CTNNBL1: variants seen among roughly 807,000 people sequenced by gnomAD.
CTNNBL1 encodes the protein beta-catenin-like protein 1.
CTNNBL1 carries 31 observed loss-of-function variants against 72.7 expected under a neutral mutation model. The ratio of observed to expected loss-of-function variants is 0.43; its 90% confidence interval spans 0.32 to 0.58. CTNNBL1 has a LOEUF of 0.58. Ranked by LOEUF, CTNNBL1 falls within the 20% of genes least tolerant of loss-of-function variation. CTNNBL1 has a pLI of 0.08. For synonymous variants in CTNNBL1, 240 were observed against 267.3 expected, an observed-to-expected ratio of 0.90 and a Z score of 1.00; for missense variants, 534 against 725.1, an observed-to-expected ratio of 0.74 and a Z score of 3.03.
chr20:37,780,786 G>T (rs1159140939), intron 10 of CTNNBL1, among the ~76,000 whole-genome samples: 3 of 152,094 alleles, frequency 2.0e-5, no homozygotes, highest in African/African-American at 7.2e-5. Context: ...AACTTTAAGC[G>T]AAATGATGTA....
intron 11 of CTNNBL1, among the ~76,000 whole-genome samples, chr20:37,829,522 A>G (rs2072189567): frequency 6.6e-6 from 1 of 152,068 alleles, no homozygotes; most frequent in African/African-American, 2.4e-5. Flanking sequence ...CAACGTTCAT[A>G]TTTATCTCTG....
At chr20:37,836,165 G>A (rs560769880) in intron 11 of CTNNBL1, among the ~76,000 whole-genome samples, 1 of 152,258 alleles carries the variant, frequency 6.6e-6, no homozygotes, top group African/African-American at 2.4e-5. Context: ...ATTCATCTTT[G>A]AGCTTCCTAA....
At chr20:37,844,885 T>A (rs532412809) in intron 13 of CTNNBL1, among the ~76,000 whole-genome samples, 25 of 152,180 alleles carry the variant, frequency 1.6e-4, no homozygotes, top group African/African-American at 5.8e-4. Context: ...GAGGTAAGGG[T>A]TGCAACAAGC....
chr20:37,712,850 T>A (rs2072950371), intron 1 of CTNNBL1, among the ~76,000 whole-genome samples: 2 of 152,246 alleles, frequency 1.3e-5, no homozygotes, highest in Admixed American at 6.5e-5. Flanking sequence ...ACAGATTTCC[T>A]TCCGACCAGA....
intron 7 of CTNNBL1, among the ~76,000 whole-genome samples, chr20:37,772,759 C>T (rs552274199): frequency 6.6e-6 from 1 of 152,304 alleles, no homozygotes; most frequent in South Asian, 2.1e-4. Flanking sequence ...TACGATTTGA[C>T]TGATCATCTC....
intron 13 of CTNNBL1, among the ~76,000 whole-genome samples, chr20:37,844,718 G>A (rs1205941893): frequency 3.9e-5 from 6 of 152,142 alleles, no homozygotes; most frequent in Admixed American, 2.6e-4. Context: ...AGGCCAAGGC[G>A]GGCAGATCAC....
At chr20:37,855,613 G>T (rs902930643) in intron 13 of CTNNBL1, among the ~76,000 whole-genome samples, 1 of 152,022 alleles carries the variant, frequency 6.6e-6, no homozygotes, top group African/African-American at 2.4e-5. Context: ...CCCTTCTCAC[G>T]TAGGCTGATG....
chr20:37,817,809 G>C (rs1428434853), intron 11 of CTNNBL1, among the ~76,000 whole-genome samples: 2 of 152,176 alleles, frequency 1.3e-5, no homozygotes, highest in African/African-American at 4.8e-5. Context: ...ATTGATATCT[G>C]CCTCACAAGT....
chr20:37,703,654 C>G (rs1398741785), intron 1 of CTNNBL1, among the ~76,000 whole-genome samples: 1 of 152,210 alleles, frequency 6.6e-6, no homozygotes, highest in African/African-American at 2.4e-5. Flanking sequence ...TTCTCTGCTT[C>G]CTCCCCTGCC....
chr20:37,719,709 G>T lies in CTNNBL1; in HGVS notation c.31-13170G>T, dbSNP rs183845806. ...TTAAATGTAATAACCTTAGAAAAAT[G>T]TTAGAAGATATTTTATTTTATTTGA... On this transcript the variant is annotated intron_variant, in intron 1 of 15. Coordinates refer to ENST00000361383, the MANE Select transcript of CTNNBL1 (RefSeq NM_030877.5). Among the ~76,000 whole-genome samples the T allele has an allele frequency of 5.5e-4, 84 of 152,244 alleles. 1 individual carries two copies. The highest frequency in any genetic ancestry group is 5.7e-4 in the Non-Finnish European group (39 of 68,018).
intron 2 of CTNNBL1, among the ~76,000 whole-genome samples, chr20:37,734,305 G>T (rs929027568): frequency 6.6e-6 from 1 of 152,216 alleles, no homozygotes; most frequent in East Asian, 1.9e-4. Flanking sequence ...GAAATACGTG[G>T]TGGGAGACAG....
rs1416957639 is a variant in CTNNBL1, at chr20:37,802,945, C to T, written c.1110C>T (p.Cys370=). 1 of 1,614,020 alleles carries T rather than the reference C, an allele frequency of 6.2e-7. No homozygotes were observed. The highest frequency in any genetic ancestry group is 8.5e-7 in the Non-Finnish European group (1 of 1,179,954). The change falls in exon 11 of 16, where the codon TGC becomes TGT. Residue 370 remains cysteine (C), a synonymous_variant. Coordinates refer to ENST00000361383, the MANE Select transcript of CTNNBL1 (RefSeq NM_030877.5). The part of the protein sequence containing the change: ...AMIGPEGTDN[C]HKFVDILGLR... ...TTGGCCCCGAAGGCACAGACAACTG[C>T]CATAAGTTTGTTGACATTCTTGGCT... is the stretch of plus-strand genomic sequence containing the variant.
chr20:37,784,539 A>G (rs886793330), intron 10 of CTNNBL1, among the ~76,000 whole-genome samples: 1 of 152,178 alleles, frequency 6.6e-6, no homozygotes, highest in Non-Finnish European at 1.5e-5. Context: ...AATACTATTT[A>G]ATAACCCATT....
intron 1 of CTNNBL1, among the ~76,000 whole-genome samples, chr20:37,714,463 C>T (rs2072968668): frequency 6.6e-6 from 1 of 152,158 alleles, no homozygotes; most frequent in Admixed American, 6.5e-5. Flanking sequence ...TGATAGTAGC[C>T]CTAGTCATAG....
At chr20:37,848,949 C>T (rs545021832) in intron 13 of CTNNBL1, among the ~76,000 whole-genome samples, 1 of 152,326 alleles carries the variant, frequency 6.6e-6, no homozygotes, top group East Asian at 1.9e-4. Context: ...ACCAGGCTTG[C>T]GGCCCTAGCC....
chr20:37,767,859 G>A, intron 6 of CTNNBL1, 94 bp from the exon 7 acceptor site: 1 of 936,862 alleles, frequency 1.1e-6, no homozygotes, highest in Non-Finnish European at 1.8e-6. Context: ...CAGGGAAGTG[G>A]GGAGAGGAAT....
chr20:37,757,024 T>C (rs1324496343), intron 4 of CTNNBL1: 2 of 152,316 alleles, frequency 1.3e-5, no homozygotes, highest in Non-Finnish European at 2.9e-5. Context: ...TTCACAGCAG[T>C]GTGACATTTG....
At chr20:37,837,419 T>C (rs902972323) in intron 11 of CTNNBL1, among the ~76,000 whole-genome samples, 4 of 152,162 alleles carry the variant, frequency 2.6e-5, no homozygotes, top group African/African-American at 9.7e-5. Flanking sequence ...CTTGAGAAGG[T>C]ATATAGTACC....
At chr20:37,801,290 C>T (rs940406594) in intron 10 of CTNNBL1, among the ~76,000 whole-genome samples, 2 of 152,032 alleles carry the variant, frequency 1.3e-5, no homozygotes, top group African/African-American at 2.4e-5. Flanking sequence ...CCATTTCTTA[C>T]TGTTTTCTCT....
Sources: allele counts gnomAD v4.1 joint callset (sites outside exome capture counted in the v4.1 genomes callset), GRCh38; gene constraint gnomAD v4.1.1; transcripts MANE v1.5; gene names NCBI Gene and HGNC (gene_info 2026-07-23, HGNC 2026-07-21).